The following C22orf23 variants were observed in gnomAD, a reference collection of about 807,000 sequenced individuals.
C22orf23 encodes chromosome 22 open reading frame 23, also known as UPF0193 protein EVG1.
In C22orf23, 30 loss-of-function variants were observed where a neutral mutation model predicts 29.7. The ratio of observed to expected loss-of-function variants is 1.01; its 90% CI spans 0.76 to 1.37. The LOEUF (loss-of-function observed/expected upper bound fraction) is 1.37. C22orf23 is among the 40% of genes most tolerant of loss of function. The pLI is 0.00. For synonymous variants in C22orf23, 90 were observed against 96.1 expected (o/e 0.94, Z 0.37); for missense variants, 237 against 273.1 (o/e 0.87, Z 0.93).
chr22:37,945,581 C>T (rs1479463818), intron 4 of C22orf23, among the ~76,000 whole-genome samples: 6 of 148,966 alleles, frequency 4.0e-5, no homozygotes, highest in Non-Finnish European at 7.4e-5. Flanking sequence ...TGCAACCTCT[C>T]GGGCTCAAGT....
intron 4 of C22orf23, among the ~76,000 whole-genome samples, chr22:37,946,013 C>G (rs1410720125): frequency 1.3e-5 from 2 of 151,804 alleles, no homozygotes; most frequent in African/African-American, 4.8e-5. Flanking sequence ...AATCCCAGCA[C>G]TTTGGGAGGC....
chr22:37,953,129 C>T lies in C22orf23; in HGVS notation c.21G>A (p.Met7Ile), dbSNP rs532176612. 8.7e-6 allele frequency: 14 copies of T among 1,613,926 alleles called. No individual in the cohort carries two copies. The highest frequency in any genetic ancestry group is 6.7e-5 in the East Asian group (3 of 44,872). ...ACCCAGTTCCTTTGGTCACTACCTC[C>T]ATCTGCTTCTGTGAAGCCATGGGAG... MASQKQ[M>I]EVVTKGTGFR... The change falls in exon 2 of 7, where the codon ATG becomes ATA. Residue 7 changes from methionine (M) to isoleucine (I), a missense_variant. Physicochemically the swap from Met to Ile is conservative, Grantham distance 10 (BLOSUM62 1). Coordinates refer to ENST00000403305, the MANE Select transcript of C22orf23 (RefSeq NM_032561.5).
rs1930747225 is a variant in C22orf23 at position 37,947,221 on chromosome 22, C to T, written c.349+60G>A. 21 of 1,586,174 alleles carry T rather than the reference C, an allele frequency of 1.3e-5. No individual in the cohort carries two copies. In the Admixed American group the frequency reaches 3.4e-4, roughly 26 times the overall value. On this transcript the variant is annotated intron_variant, in intron 4 of 6. Transcript: ENST00000403305. Reference sequence around the variant, plus strand: ...ACCTGCCCTGTGGGCTGCTTGCGTCCCTCTCCCTTGTCCTCCCCCAGGGAG... The same window carrying T: ...ACCTGCCCTGTGGGCTGCTTGCGTCTCTCTCCCTTGTCCTCCCCCAGGGAG...
At chr22:37,947,203 C>T (rs570829154) in intron 4 of C22orf23, 78 bp downstream of exon 4, 2 of 1,489,182 alleles carry the variant, frequency 1.3e-6, no homozygotes, top group East Asian at 2.3e-5. Context: ...CCCACCTGCC[C>T]TGTGGGCTGC....
intron 3 of C22orf23, among the ~76,000 whole-genome samples, chr22:37,948,009 A>C (rs1930805160): frequency 1.3e-5 from 2 of 152,044 alleles, no homozygotes; most frequent in South Asian, 4.1e-4. Context: ...CGGGAGGCTG[A>C]GGCCGGAGAA....
At chr22:37,947,986 A>T (rs1930803522) in intron 3 of C22orf23, among the ~76,000 whole-genome samples, 1 of 152,000 alleles carries the variant, frequency 6.6e-6, no homozygotes, top group African/African-American at 2.4e-5. Context: ...GGGTGCCTAT[A>T]GTCCCTACTG....
rs776797101 is a variant in C22orf23 at position 37,944,140 on chromosome 22, G to C, written c.*35C>G. On this transcript the variant is annotated 3_prime_UTR_variant, in exon 7 of 7. Coordinates refer to ENST00000403305, the MANE Select transcript of C22orf23 (RefSeq NM_032561.5). The stretch of plus-strand genomic sequence containing the variant: ...GGCAGAGGAGTGGACTCCAGTGGTC[G>C]AGCTTGGGCTACCCTGCCCGTCTCT... The C allele has an allele frequency of 1.1e-5, 18 of 1,597,396 alleles. No homozygotes were observed. Among genetic ancestry groups the C allele is most frequent in the Non-Finnish European group, 1.5e-5 (17 of 1,164,788 alleles).
intron 3 of C22orf23, 39 bp from the exon 4 acceptor site, chr22:37,947,502 CTTTTTTTTTTTTTTT>C (rs11359710): frequency 6.2e-6 from 2 of 321,248 alleles, no homozygotes; most frequent in African/African-American, 7.4e-5. Flanking sequence ...ACCCACATGG[CTTTTTTTTTTTTTTT>C]TTTTTTTTTT....
chr22:37,951,715 C>T, intron 2 of C22orf23, 193 bp from the exon 3 acceptor site: 1 of 339,818 alleles, frequency 2.9e-6, no homozygotes. Flanking sequence ...TTATTGTTAT[C>T]CTTCTATATT....
chr22:37,948,382 G>A (rs2061543932), intron 3 of C22orf23, among the ~76,000 whole-genome samples: 1 of 152,052 alleles, frequency 6.6e-6, no homozygotes, highest in South Asian at 2.1e-4. Flanking sequence ...CCCAGGAGGT[G>A]GAGGTTGCAG....
chr22:37,952,092 G>A lies in C22orf23; in HGVS notation c.104-570C>T, dbSNP rs561423973. On this transcript the variant is annotated intron_variant, in intron 2 of 6. Transcript: ENST00000403305. The stretch of plus-strand genomic sequence containing the variant: ...GGCCTCCCAAAGTGCTGGGATTACC[G>A]GTTTGAGCCACCTCATTTTCTTTCA... Among the ~76,000 whole-genome samples, 6 of 152,036 alleles carry A rather than the reference G, an allele frequency of 3.9e-5. No homozygotes were observed. In the East Asian group the frequency reaches 5.8e-4, roughly 15 times the overall value.
At position 37,951,511 on chromosome 22, in the gene C22orf23, C is replaced by T. The variant is rs1261755433; in HGVS notation, c.115G>A (p.Glu39Lys). ...TGCTGGATGTTCGTCAGTTTGGATT[C>T]CTTCATCATCACTGCACGACAAAGC... ...TCELLRVMMK[E>K]SKLTNIQQRH... Residue 39 changes from glutamate to lysine, a missense_variant, in exon 3 of 7, where the codon GAA (glutamate) becomes AAA (lysine). Physicochemically the swap from Glu to Lys is moderately conservative, Grantham distance 56 (BLOSUM62 1). Coordinates refer to ENST00000403305, the MANE Select transcript of C22orf23 (RefSeq NM_032561.5). 2 of 1,613,966 alleles carry T rather than the reference C, an allele frequency of 1.2e-6. No homozygotes were observed. The highest frequency in any genetic ancestry group is 2.2e-5 in the East Asian group (1 of 44,868).
At chr22:37,951,691 C>G (rs1438224116) in intron 2 of C22orf23, 169 bp from the exon 3 acceptor site, 2 of 361,634 alleles carry the variant, frequency 5.5e-6, no homozygotes, top group Non-Finnish European at 9.9e-6. Flanking sequence ...ACCTAAAATT[C>G]TATATATTTT....
chr22:37,944,422 A>G lies in C22orf23; in HGVS notation c.577T>C (p.Ser193Pro). The G allele has an allele frequency of 6.2e-7, 1 of 1,614,046 alleles. No homozygotes were observed. Among genetic ancestry groups the G allele is most frequent in the South Asian group, 1.1e-5 (1 of 91,084 alleles). The change falls in exon 6 of 7, where the codon TCC (serine) becomes CCC (proline). Residue 193 changes from serine to proline, a missense_variant. Transcript: ENST00000403305. ...QYRGIILAEI[S>P]QKLREMEDID... Reference sequence around the variant, plus strand: ...TTCCTGGTTGTTTCTCCTACCTGGGAGATTTCAGCAAGGATGATTCCTCGG... The same window carrying G: ...TTCCTGGTTGTTTCTCCTACCTGGGGGATTTCAGCAAGGATGATTCCTCGG...
chr22:37,944,883 A>G (rs1930601580), intron 5 of C22orf23, 159 bp downstream of exon 5: 2 of 807,694 alleles, frequency 2.5e-6, no homozygotes, highest in Non-Finnish European at 3.7e-6. Flanking sequence ...CTGGGCAATA[A>G]GAGCAAGACT....
At chr22:37,952,903 G>T (rs1321115721) in intron 2 of C22orf23, 144 bp downstream of exon 2, 2 of 667,944 alleles carry the variant, frequency 3.0e-6, no homozygotes, top group Non-Finnish European at 5.3e-6. Context: ...CTCCTTATGA[G>T]AATCTAACTA....
Position 37,943,802 on chromosome 22 carries a change from C to A in C22orf23, c.*373G>T. 3.9e-6 allele frequency: 1 copy of A among 253,812 alleles called. No individual in the cohort carries two copies. Among genetic ancestry groups the A allele is most frequent in the Non-Finnish European group, 7.6e-6 (1 of 131,266 alleles). 15.7% of individuals were successfully genotyped at this position (253,812 alleles called of 1,614,324 possible). On this transcript the variant is annotated 3_prime_UTR_variant, in exon 7 of 7. Transcript: ENST00000403305. ...ATACTTGCCTAAGGCGGTAAGAAAT[C>A]AAATAAGTAAATCCTAAAACAGGAA...
chr22:37,951,721 A>G, intron 2 of C22orf23, 199 bp from the exon 3 acceptor site: 2 of 296,046 alleles, frequency 6.8e-6, no homozygotes, highest in Non-Finnish European at 1.2e-5. Context: ...TTATCCTTCT[A>G]TATTAGCTGT....
Position 37,953,478 on chromosome 22 carries a change from C to T in C22orf23, c.-40G>A. On this transcript the variant is annotated 5_prime_UTR_variant, in exon 1 of 7. It introduces an in-frame stop codon into an upstream open reading frame of the 5' UTR. Transcript: ENST00000403305. Reference sequence around the variant, plus strand: ...GACCCTCTCTGGGTGCTCCCCTCTCCACATAGAAGTGGGCTCCCGGAGGCG... The same window carrying T: ...GACCCTCTCTGGGTGCTCCCCTCTCTACATAGAAGTGGGCTCCCGGAGGCG... 1 of 546,360 alleles carries T rather than the reference C, an allele frequency of 1.8e-6. No individual in the cohort carries two copies. The highest frequency in any genetic ancestry group is 3.2e-6 in the Non-Finnish European group (1 of 309,946). 33.8% of individuals were successfully genotyped at this position (546,360 alleles called of 1,614,324 possible).
Sources: allele counts gnomAD v4.1 joint callset (sites outside exome capture counted in the v4.1 genomes callset), GRCh38; gene constraint gnomAD v4.1.1; transcripts MANE v1.5; gene names NCBI Gene and HGNC (gene_info 2026-07-23, HGNC 2026-07-21).